RNLS: variants seen among roughly 807,000 people sequenced by gnomAD.
RNLS encodes the protein renalase.
Under a neutral mutation model 39.8 loss-of-function variants are expected in RNLS, and 39 were observed. The observed-to-expected ratio is 0.98, with a 90% confidence interval of 0.76 to 1.28. The LOEUF is 1.28. RNLS is among the 50% of genes most tolerant of loss of function. The pLI is 0.00. For synonymous variants in RNLS, 147 were observed against 150.7 expected, an observed-to-expected ratio of 0.98 and a Z score of 0.18; for missense variants, 410 against 413.3, an observed-to-expected ratio of 0.99 and a Z score of 0.07.
chr10:88,476,009 C>T (rs1415625093), intron 4 of RNLS, among the ~76,000 whole-genome samples: 1 of 152,082 alleles, frequency 6.6e-6, no homozygotes, highest in Non-Finnish European at 1.5e-5. Context: ...TTCTATAAAT[C>T]CAGGGGTTTA....
chr10:88,427,643 A>C (rs997893365), intron 4 of RNLS, among the ~76,000 whole-genome samples: 6 of 151,998 alleles, frequency 3.9e-5, no homozygotes, highest in African/African-American at 1.4e-4. Context: ...GGCCAAATAA[A>C]AATCTACTTA....
At chr10:88,197,525 C>T in the RNLS span, among the ~76,000 whole-genome samples, 814 of 152,242 alleles carry the variant, frequency 5.3e-3, 3 homozygotes, top group Admixed American at 9.7e-3. Flanking sequence ...CAACAACCAC[C>T]GCAATTCGAA....
intron 4 of RNLS, among the ~76,000 whole-genome samples, chr10:88,381,128 A>C (rs1851463042): frequency 6.6e-6 from 1 of 152,196 alleles, no homozygotes; most frequent in African/African-American, 2.4e-5. Context: ...GATTTTAAGA[A>C]TTTCGTCTTT....
At chr10:88,347,862 C>T (rs1013235187) in intron 5 of RNLS, among the ~76,000 whole-genome samples, 24 of 152,098 alleles carry the variant, frequency 1.6e-4, no homozygotes, top group African/African-American at 5.6e-4. Flanking sequence ...AGTAATTTAG[C>T]TCTCTCTCCT....
At chr10:88,358,643 G>C (rs895540286) in intron 5 of RNLS, among the ~76,000 whole-genome samples, 5 of 152,200 alleles carry the variant, frequency 3.3e-5, no homozygotes, top group Admixed American at 6.5e-5. Context: ...CACAAACAAG[G>C]ATATTGGGGC....
chr10:88,582,341 AT>A, intron 1 of RNLS, 34 bp from the exon 2 acceptor site: 6 of 1,550,848 alleles, frequency 3.9e-6, no homozygotes, highest in Non-Finnish European at 4.4e-6. Context: ...GTCTTACTGC[AT>A]GACAATGAGC....
intron 4 of RNLS, among the ~76,000 whole-genome samples, chr10:88,422,899 G>A (rs1361171843): frequency 6.6e-6 from 1 of 151,970 alleles, no homozygotes; most frequent in African/African-American, 2.4e-5. Context: ...GAGTAGCTAG[G>A]ACTACCACCA....
At chr10:88,176,860 T>C in the RNLS span, among the ~76,000 whole-genome samples, 1 of 152,246 alleles carries the variant, frequency 6.6e-6, no homozygotes, top group African/African-American at 2.4e-5. Context: ...GAGATAGCTT[T>C]GCTAGGAATA....
chr10:88,445,375 T>C (rs1841973880), intron 4 of RNLS, among the ~76,000 whole-genome samples: 1 of 152,094 alleles, frequency 6.6e-6, no homozygotes, highest in Non-Finnish European at 1.5e-5. Flanking sequence ...TGCCAAATTG[T>C]AAAGACCATC....
the RNLS span, among the ~76,000 whole-genome samples, chr10:88,209,190 G>A: frequency 6.6e-6 from 1 of 152,074 alleles, no homozygotes; most frequent in Non-Finnish European, 1.5e-5. Flanking sequence ...TTGATTTTGG[G>A]GACTGTTCTG....
chr10:88,386,037 C>T (rs770096099), intron 4 of RNLS, among the ~76,000 whole-genome samples: 6 of 152,066 alleles, frequency 3.9e-5, no homozygotes, highest in Non-Finnish European at 8.8e-5. Flanking sequence ...GGCTTTTTTA[C>T]GTTAAGGAGG....
chr10:88,346,460 A>G (rs529451443), intron 5 of RNLS, among the ~76,000 whole-genome samples: 1 of 152,310 alleles, frequency 6.6e-6, no homozygotes, highest in East Asian at 1.9e-4. Context: ...TCTAATTGCG[A>G]AGAACTCACA....
intron 6 of RNLS, among the ~76,000 whole-genome samples, chr10:88,304,893 A>G: frequency 6.6e-6 from 1 of 152,210 alleles, no homozygotes; most frequent in East Asian, 1.9e-4. Flanking sequence ...CATAATTGTG[A>G]GATTCTCCAA....
At chr10:88,261,737 G>A in the RNLS span, among the ~76,000 whole-genome samples, 1 of 152,110 alleles carries the variant, frequency 6.6e-6, no homozygotes, top group Non-Finnish European at 1.5e-5. Context: ...TACCCCTAGT[G>A]CCCACATATT....
At chr10:88,546,100 G>A (rs1184852355) in intron 4 of RNLS, among the ~76,000 whole-genome samples, 1 of 151,838 alleles carries the variant, frequency 6.6e-6, no homozygotes, top group East Asian at 1.9e-4. Flanking sequence ...TAATTATGAG[G>A]AATATAGAAT....
At chr10:88,318,376 G>A (rs1445139784) in intron 5 of RNLS, among the ~76,000 whole-genome samples, 2 of 152,226 alleles carry the variant, frequency 1.3e-5, no homozygotes, top group Non-Finnish European at 2.9e-5. Context: ...AGCACTGATG[G>A]CTAGGAAGGG....
chr10:88,570,535 A>T (rs577626528), intron 4 of RNLS, among the ~76,000 whole-genome samples: 1 of 152,346 alleles, frequency 6.6e-6, no homozygotes, highest in Admixed American at 6.5e-5. Flanking sequence ...AGTTCTCTTC[A>T]TGGCAGTACC....
intron 4 of RNLS, among the ~76,000 whole-genome samples, chr10:88,550,553 C>G (rs1464822103): frequency 6.6e-6 from 1 of 152,008 alleles, no homozygotes; most frequent in Non-Finnish European, 1.5e-5. Context: ...ATAAACTAAC[C>G]ATTTTTTAAA....
At chr10:88,310,101 C>A (rs561046326) in intron 6 of RNLS, among the ~76,000 whole-genome samples, 82 of 152,174 alleles carry the variant, frequency 5.4e-4, no homozygotes, top group African/African-American at 1.9e-3. Context: ...CCTGTAGCCC[C>A]AGCTACTTGG....
Sources: allele counts gnomAD v4.1 joint callset (sites outside exome capture counted in the v4.1 genomes callset), GRCh38; gene constraint gnomAD v4.1.1; transcripts MANE v1.5; gene names NCBI Gene and HGNC (gene_info 2026-07-23, HGNC 2026-07-21).